Variants in THNSL1 observed in about 807,000 individuals in gnomAD.
The protein encoded by THNSL1 is threonine synthase like 1, also known as threonine synthase-like 1.
In THNSL1, 48 loss-of-function variants were observed where a neutral mutation model predicts 50.4. The observed-to-expected ratio is 0.95, with a 90% CI of 0.76 to 1.21. THNSL1 has a LOEUF of 1.21. Ranked by LOEUF, THNSL1 falls within the 50% of genes most tolerant of loss-of-function variation. The pLI is 0.00. For missense variants in THNSL1, 896 were observed against 871.7 expected (o/e 1.03, Z -0.35); for synonymous variants, 309 against 306.1 (o/e 1.01, Z -0.10).
the THNSL1 span, chr10:24,984,248 C>T: frequency 2.7e-6 from 3 of 1,113,488 alleles, no homozygotes; most frequent in East Asian, 2.4e-5. Flanking sequence ...CAGGAAAATA[C>T]ATCTTTTGCA....
At chr10:24,977,088 G>A in the THNSL1 span, among the ~76,000 whole-genome samples, 1 of 152,190 alleles carries the variant, frequency 6.6e-6, no homozygotes, top group Non-Finnish European at 1.5e-5. Flanking sequence ...TTGATGGTGT[G>A]TGGTTGATAA....
the THNSL1 span, among the ~76,000 whole-genome samples, chr10:24,969,706 G>A: frequency 9.9e-5 from 15 of 152,150 alleles, no homozygotes; most frequent in Non-Finnish European, 1.9e-4. Context: ...CACGTGGAAC[G>A]ACATTTTAGG....
chr10:24,968,210 C>T, the THNSL1 span, among the ~76,000 whole-genome samples: 6,924 of 152,154 alleles, frequency 0.046, 475 homozygotes, highest in African/African-American at 0.15. Context: ...GCAAGGTTTT[C>T]CCAGGCCCAG....
chr10:24,957,463 G>A, the THNSL1 span, among the ~76,000 whole-genome samples: 1 of 117,752 alleles, frequency 8.5e-6, no homozygotes, highest in African/African-American at 4.5e-5. Flanking sequence ...ATTTTGAGTT[G>A]ATGTTTGTTT....
upstream of THNSL1, among the ~76,000 whole-genome samples, chr10:25,014,734 A>G (rs1358211003): frequency 6.6e-6 from 1 of 152,240 alleles, no homozygotes; most frequent in Non-Finnish European, 1.5e-5. Context: ...CAACTGTGCC[A>G]TAACTTACTT....
intron 2 of THNSL1, 119 bp from the exon 3 acceptor site, chr10:25,023,057 A>C (rs1420515891): frequency 1.7e-6 from 1 of 579,354 alleles, no homozygotes; most frequent in East Asian, 3.1e-5. Flanking sequence ...GAAGATTTTT[A>C]AACAGTTTAT....
rs1040462734 is a variant in THNSL1 at position 25,025,292 on chromosome 10, G to A, written c.2069G>A (p.Ser690Asn). 6.2e-7 allele frequency: 1 copy of A among 1,614,162 alleles called. No individual in the cohort carries two copies. The highest frequency in any genetic ancestry group is 8.5e-7 in the Non-Finnish European group (1 of 1,180,026). Residue 690 changes from serine (S) to asparagine (N), a missense_variant, in exon 3 of 3, where the codon AGT becomes AAT. Physicochemically the swap from Ser to Asn is conservative, Grantham distance 46. Coordinates refer to ENST00000376356, the MANE Select transcript of THNSL1 (RefSeq NM_024838.5). ...KIKEINETSS[S>N]QLYLLGSYNA... ...AAAGAAATCAATGAGACTTCATCAA[G>A]TCAGCTCTATTTGCTGGGTTCATAC...
At chr10:24,993,674 C>A in the THNSL1 span, among the ~76,000 whole-genome samples, 1 of 152,200 alleles carries the variant, frequency 6.6e-6, no homozygotes, top group Non-Finnish European at 1.5e-5. Flanking sequence ...TTGAGTAAGT[C>A]TTTCATGAGC....
the THNSL1 span, among the ~76,000 whole-genome samples, chr10:24,972,904 C>T: frequency 4.9e-4 from 74 of 152,292 alleles, 1 homozygote; most frequent in East Asian, 0.014. Context: ...CCAGTGAATG[C>T]CTGAAACTGC....
the THNSL1 span, among the ~76,000 whole-genome samples, chr10:24,966,528 C>T: frequency 4.6e-5 from 7 of 152,314 alleles, no homozygotes; most frequent in South Asian, 1.0e-3. Context: ...GCCCCAACAC[C>T]GTTTTCATTA....
the THNSL1 span, among the ~76,000 whole-genome samples, chr10:24,987,484 A>G: frequency 6.6e-6 from 1 of 152,098 alleles, no homozygotes; most frequent in Non-Finnish European, 1.5e-5. Flanking sequence ...AAATAAAAAA[A>G]TGAAATAAAA....
chr10:24,952,464 A>C, the THNSL1 span: 1 of 1,507,254 alleles, frequency 6.6e-7, no homozygotes, highest in Non-Finnish European at 9.0e-7. This position sits in a 1 kb window ranked among gnomAD's most constrained non-coding sequence, Gnocchi z 5.1. Flanking sequence ...CATTTAATCT[A>C]CAAGCAGGGT....
chr10:25,000,268 G>A, the THNSL1 span, among the ~76,000 whole-genome samples: 1 of 152,074 alleles, frequency 6.6e-6, no homozygotes, highest in Non-Finnish European at 1.5e-5. Context: ...TAAATGTTCT[G>A]TATACACTTG....
At chr10:24,988,316 G>GTATATATATTTATATATGTGTA in the THNSL1 span, among the ~76,000 whole-genome samples, 22 of 141,098 alleles carry the variant, frequency 1.6e-4, no homozygotes, top group African/African-American at 5.0e-4. Flanking sequence ...TTATATGTGT[G>GTATATATATTTATATATGTGTA]TATATATATT....
chr10:25,005,542 A>T, the THNSL1 span, among the ~76,000 whole-genome samples: 1 of 152,206 alleles, frequency 6.6e-6, no homozygotes, highest in Non-Finnish European at 1.5e-5. Context: ...GTATTACTGC[A>T]GCATTACACT....
At chr10:24,976,792 C>CTA in the THNSL1 span, among the ~76,000 whole-genome samples, 1 of 152,306 alleles carries the variant, frequency 6.6e-6, no homozygotes, top group East Asian at 1.9e-4. Context: ...CCACACCTGG[C>CTA]TATAAAGCAT....
chr10:24,980,234 A>T, the THNSL1 span, among the ~76,000 whole-genome samples: 1 of 151,952 alleles, frequency 6.6e-6, no homozygotes, highest in East Asian at 1.9e-4. Context: ...CCCTTTTCTA[A>T]GTTCACCCCA....
At chr10:25,005,206 C>T in the THNSL1 span, among the ~76,000 whole-genome samples, 1 of 152,068 alleles carries the variant, frequency 6.6e-6, no homozygotes, top group Non-Finnish European at 1.5e-5. Flanking sequence ...GGATAATTGG[C>T]TCTATTTTCT....
upstream of THNSL1, among the ~76,000 whole-genome samples, chr10:25,015,657 C>T (rs778529758): frequency 1.3e-5 from 2 of 152,162 alleles, no homozygotes; most frequent in Admixed American, 1.3e-4. Flanking sequence ...CTCACAGCGC[C>T]AGACTGCCCT....
Sources: gnomAD v4.1 joint callset for allele counts (sites outside exome capture counted in the v4.1 genomes callset) on GRCh38, gnomAD v4.1.1 for gene constraint, Gnocchi (gnomAD v3.1) non-coding constraint, MANE v1.5 for transcripts, NCBI Gene and HGNC (gene_info 2026-07-23, HGNC 2026-07-21) for gene names.